TXNRD2: variants seen among roughly 807,000 people sequenced by gnomAD.
TXNRD2 encodes thioredoxin reductase 2, also known as thioredoxin reductase 2, mitochondrial.
Under a neutral mutation model 70.8 loss-of-function variants are expected in TXNRD2, and 67 were observed. The observed-to-expected ratio is 0.95, with a 90% CI of 0.78 to 1.16. The LOEUF is 1.16. Among genes scored for constraint, TXNRD2 ranks in the 50% most tolerant of loss-of-function variants. The pLI is 0.00. For synonymous variants in TXNRD2, 301 were observed against 295.8 expected, an observed-to-expected ratio of 1.02 and a Z score of -0.18; for missense variants, 644 against 719.9, an observed-to-expected ratio of 0.89 and a Z score of 1.21.
chr22:19,895,267 G>A (rs1601409403), intron 11 of TXNRD2, 140 bp downstream of exon 11: 8 of 1,592,746 alleles, frequency 5.0e-6, no homozygotes, highest in African/African-American at 2.7e-5. Context: ...GGTTGCTCTC[G>A]AGGTGCACTG....
chr22:19,934,597 C>A (rs1941482445), intron 1 of TXNRD2, among the ~76,000 whole-genome samples: 1 of 148,834 alleles, frequency 6.7e-6, no homozygotes, highest in African/African-American at 2.5e-5. Flanking sequence ...GATTCTCTCT[C>A]TGTCGCCCAG....
chr22:19,880,192 T>G lies in TXNRD2; in HGVS notation c.1262A>C (p.Gln421Pro). Residue 421 changes from glutamine (Q) to proline (P), a missense_variant, in exon 14 of 18, where the codon CAG becomes CCG. Physicochemically the swap from Gln to Pro is moderately conservative, Grantham distance 76. Around this residue, in one of 3 missense-constraint regions of TXNRD2, gnomAD observed 566 missense variants for 645.0 expected, o/e 0.88. Transcript: ENST00000400521. ...CCCAGGCCTCACCTCAACATGCTCC[T>G]GCCCGTGGCGAGCCACTGCCTCCTC... The part of the protein sequence containing the change: ...SEEEAVARHG[Q>P]EHVEVYHAHY... The G allele has an allele frequency of 6.2e-7, 1 of 1,613,272 alleles. No individual in the cohort carries two copies. Among genetic ancestry groups the G allele is most frequent in the Non-Finnish European group, 8.5e-7 (1 of 1,179,984 alleles).
intron 11 of TXNRD2, among the ~76,000 whole-genome samples, chr22:19,893,264 G>A (rs750249918): frequency 7.9e-5 from 12 of 152,280 alleles, no homozygotes; most frequent in Non-Finnish European, 1.6e-4. Flanking sequence ...TTGGGCTCTC[G>A]CAGGGGACAA....
At chr22:19,904,884 G>A (rs1939937685) in intron 8 of TXNRD2, among the ~76,000 whole-genome samples, 1 of 152,230 alleles carries the variant, frequency 6.6e-6, no homozygotes, top group African/African-American at 2.4e-5. Context: ...CAGGGGAGCA[G>A]CCCCGGGGTC....
chr22:19,877,165 G>A lies in TXNRD2; in HGVS notation c.1515C>T (p.Val505=), dbSNP rs1036191651. The A allele has an allele frequency of 3.1e-6, 5 of 1,610,442 alleles. No homozygotes were observed. The highest frequency in any genetic ancestry group is 3.4e-6 in the Non-Finnish European group (4 of 1,177,830). Reference sequence around the variant, plus strand: ...CTGAGCGCTTGGAGATGCGCAGCTTGACTACCTCCTCAGAGCATGTGGGAT... The same window carrying A: ...CTGAGCGCTTGGAGATGCGCAGCTTAACTACCTCCTCAGAGCATGTGGGAT... ...GIHPTCSEEV[V]KLRISKRSGL... is the part of the protein sequence containing the mutation. Residue 505 remains valine, a synonymous_variant, in exon 17 of 18, where the codon GTC becomes GTT. Transcript: ENST00000400521.
chr22:19,930,855 G>C (rs1418816048), intron 2 of TXNRD2, among the ~76,000 whole-genome samples, 175 bp downstream of exon 2: 3 of 152,230 alleles, frequency 2.0e-5, no homozygotes, highest in Non-Finnish European at 2.9e-5. Flanking sequence ...GGCGGCCGCT[G>C]GGTACAGCAG....
Position 19,880,605 on chromosome 22 carries a change from C to T in TXNRD2, c.1182+17G>A. The T allele has an allele frequency of 1.9e-6, 3 of 1,611,970 alleles. No individual in the cohort carries two copies. Among genetic ancestry groups the T allele is most frequent in the Non-Finnish European group, 2.5e-6 (3 of 1,178,670 alleles). Reference sequence around the variant, plus strand: ...GCCTGTCCTAGGCTGCACGTGGCGTCCTGCTAGAGAACTCACATTGTCGTA... The same window carrying T: ...GCCTGTCCTAGGCTGCACGTGGCGTTCTGCTAGAGAACTCACATTGTCGTA... On this transcript the variant is annotated intron_variant, in intron 13 of 17. Transcript: ENST00000400521.
chr22:19,935,353 C>T (rs540182099), intron 1 of TXNRD2, among the ~76,000 whole-genome samples: 2 of 152,274 alleles, frequency 1.3e-5, no homozygotes, highest in South Asian at 4.1e-4. Context: ...AAACTCCGTC[C>T]TGGTAAATTT....
At chr22:19,883,292 G>A (rs1167732087) in intron 12 of TXNRD2, 33 bp downstream of exon 12, 2 of 1,608,330 alleles carry the variant, frequency 1.2e-6, no homozygotes, top group African/African-American at 2.7e-5. Flanking sequence ...GCAGGCAGGG[G>A]CAGGGGCCCT....
At chr22:19,930,978 T>C (rs1355114512) in intron 2 of TXNRD2, 52 bp downstream of exon 2, 1 of 1,555,372 alleles carries the variant, frequency 6.4e-7, no homozygotes, top group East Asian at 2.2e-5. Flanking sequence ...CCACCCTCTC[T>C]AGGGGCCCTA....
chr22:19,908,024 G>A (rs141437743), intron 8 of TXNRD2, among the ~76,000 whole-genome samples: 15 of 98,220 alleles, frequency 1.5e-4, no homozygotes, highest in East Asian at 1.2e-3. Context: ...AGCAGTGACC[G>A]TTCTCAGGAG....
In TXNRD2 at chr22:19,878,159, A is replaced by G. The variant is rs776104767; in HGVS notation, c.1376T>C (p.Leu459Pro). ...GCCAAGGAAATGCAGGCCCAGCACC[A>G]GCTGTGGGGGCTCCCTCAGGCACAC... ...KMVCLREPPQLVLGLHFLGPN... is the reference protein window; with the variant it reads ...KMVCLREPPQPVLGLHFLGPN... The change falls in exon 16 of 18, where the codon CTG (leucine) becomes CCG (proline). Residue 459 changes from leucine to proline, a missense_variant. This residue lies in a region of TXNRD2 where 566 missense variants were observed against 645.0 expected (regional missense o/e 0.88). Coordinates refer to ENST00000400521, the MANE Select transcript of TXNRD2 (RefSeq NM_006440.5). 5 of 1,613,194 alleles carry G rather than the reference A, an allele frequency of 3.1e-6. No individual in the cohort carries two copies. The African/African-American group carries it at 6.7e-5, about 22-fold the overall frequency.
chr22:19,899,035 C>CT lies in TXNRD2; in HGVS notation c.682+13dup, dbSNP rs758979737. On this transcript the variant is annotated intron_variant, in intron 9 of 17. Coordinates refer to ENST00000400521, the MANE Select transcript of TXNRD2 (RefSeq NM_006440.5). ...AGTTCCCAGGACGGCCACCTGCACG[C>CT]TTGCAAAGGATACAGCTGGCCCCGA... The CT allele has an allele frequency of 1.4e-5, 23 of 1,606,204 alleles. No individual in the cohort carries two copies. In the South Asian group the frequency reaches 2.5e-4, roughly 18 times the overall value.
At chr22:19,886,659 C>T (rs73877387) in intron 11 of TXNRD2, among the ~76,000 whole-genome samples, 4,483 of 152,354 alleles carry the variant, frequency 0.029, 93 homozygotes, top group South Asian at 0.093. Flanking sequence ...GTGCCTGCAC[C>T]GGTGTCTTTC....
chr22:19,929,964 AGGTCTCTGCAGCT>A (rs1353695547), intron 2 of TXNRD2, among the ~76,000 whole-genome samples: 2 of 152,216 alleles, frequency 1.3e-5, no homozygotes, highest in Non-Finnish European at 2.9e-5. Flanking sequence ...AAGGGGACTC[AGGTCTCTGCAGCT>A]GGTCACTCCC....
chr22:19,886,718 T>C (rs1382400603), intron 11 of TXNRD2, among the ~76,000 whole-genome samples: 1 of 152,268 alleles, frequency 6.6e-6, no homozygotes, highest in African/African-American at 2.4e-5. Flanking sequence ...TGTGGCCCAC[T>C]GCAGGCCTCC....
intron 1 of TXNRD2, 53 bp downstream of exon 1, chr22:19,941,648 G>T: frequency 7.1e-7 from 1 of 1,411,120 alleles, no homozygotes; most frequent in Non-Finnish European, 9.2e-7. Context: ...CCCTCACGAG[G>T]ACACCCCGGC....
intron 11 of TXNRD2, among the ~76,000 whole-genome samples, chr22:19,890,793 G>A (rs1038683391): frequency 3.9e-5 from 6 of 152,198 alleles, no homozygotes; most frequent in Admixed American, 6.5e-5. Flanking sequence ...TGCGGTGTAC[G>A]GGAGCCATCA....
intron 11 of TXNRD2, among the ~76,000 whole-genome samples, chr22:19,890,519 A>C (rs1234576141): frequency 1.3e-5 from 2 of 152,038 alleles, no homozygotes; most frequent in Non-Finnish European, 2.9e-5. Context: ...GGTTTCACGC[A>C]GCTGCAGCAA....
Sources: gnomAD v4.1 joint callset for allele counts (sites outside exome capture counted in the v4.1 genomes callset) on GRCh38, gnomAD v4.1.1 for gene constraint, gnomAD v4.1.1 regional missense constraint, MANE v1.5 for transcripts, NCBI Gene and HGNC (gene_info 2026-07-23, HGNC 2026-07-21) for gene names.